MSH4: variants seen among roughly 807,000 people sequenced by gnomAD.
MSH4 encodes the protein mutS protein homolog 4.
A neutral mutation model predicts 113.7 loss-of-function variants in MSH4; 106 were observed. The observed-to-expected ratio is 0.93, with a 90% confidence interval of 0.80 to 1.10. The LOEUF (loss-of-function observed/expected upper bound fraction) is 1.10, where lower values mean the gene tolerates loss of function less well. MSH4 is among the 50% of genes least tolerant of loss of function. The probability of loss-of-function intolerance (pLI) is 0.00; values close to 1 mark genes in which losing one functional copy is unlikely to be tolerated. For missense variants in MSH4, 1,061 were observed against 1,093.7 expected, an observed-to-expected ratio of 0.97 and a Z score of 0.42; for synonymous variants, 368 against 380.2, an observed-to-expected ratio of 0.97 and a Z score of 0.37.
At chr1:75,828,478 T>C (rs1343903662) in intron 7 of MSH4, among the ~76,000 whole-genome samples, 1 of 152,196 alleles carries the variant, frequency 6.6e-6, no homozygotes, top group Non-Finnish European at 1.5e-5. Context: ...TATGCTGTTA[T>C]AAAAAGAATG....
At chr1:75,797,279 T>C in intron 1 of MSH4, 50 bp downstream of exon 1, 1 of 1,560,546 alleles carries the variant, frequency 6.4e-7, no homozygotes. Flanking sequence ...AGGCCGGCAG[T>C]TCATGGAGGC....
chr1:75,869,268 C>T (rs1651657767), intron 9 of MSH4, among the ~76,000 whole-genome samples: 1 of 151,998 alleles, frequency 6.6e-6, no homozygotes, highest in Non-Finnish European at 1.5e-5. Context: ...GAGAGGGTAT[C>T]CAGGGGGAAG....
intron 8 of MSH4, among the ~76,000 whole-genome samples, chr1:75,860,615 G>A (rs1312834301): frequency 6.6e-6 from 1 of 152,176 alleles, no homozygotes; most frequent in African/African-American, 2.4e-5. Flanking sequence ...GGCTTGTAGG[G>A]TTTCTGCCGA....
At chr1:75,803,006 T>C (rs1209185646) in intron 1 of MSH4, among the ~76,000 whole-genome samples, 6 of 152,158 alleles carry the variant, frequency 3.9e-5, no homozygotes, top group African/African-American at 1.4e-4. Flanking sequence ...TATTAAATCA[T>C]GAATGGATTA....
chr1:75,907,684 C>CTCTATATATATATATATA (rs1307238647), intron 19 of MSH4, among the ~76,000 whole-genome samples: 2 of 46,572 alleles, frequency 4.3e-5, no homozygotes, highest in Admixed American at 3.4e-4. Context: ...CTCTCTCTCT[C>CTCTATATATATATATATA]TATACATATA....
At chr1:75,854,260 A>T (rs1327033143) in intron 8 of MSH4, among the ~76,000 whole-genome samples, 1 of 151,766 alleles carries the variant, frequency 6.6e-6, no homozygotes, top group African/African-American at 2.4e-5. Flanking sequence ...TATATTTGAT[A>T]TATTCAGGAG....
rs4035039 is a variant in MSH4 at position 75,896,346 on chromosome 1, AAC to A, written c.2356-1514_2356-1513del. On this transcript the variant is annotated intron_variant, in intron 17 of 19. Coordinates refer to ENST00000263187, the MANE Select transcript of MSH4 (RefSeq NM_002440.4). Reference sequence around the variant, plus strand: ...ATAATAAATCTCTTTACACACATACAACACACACACACACACACACACACACA... The same window carrying A: ...ATAATAAATCTCTTTACACACATACAACACACACACACACACACACACACA... Among the ~76,000 whole-genome samples, 1,003 of 137,280 alleles carry A rather than the reference AAC, an allele frequency of 7.3e-3. 4 individuals are homozygous for A. Among genetic ancestry groups the A allele is most frequent in the South Asian group, 0.021 (90 of 4,190 alleles). 90.1% of individuals were successfully genotyped at this position (137,280 alleles called of 152,430 possible). A position where few individuals can be genotyped will look rare whatever the true frequency, so the allele number is the denominator to read the frequency against.
intron 19 of MSH4, among the ~76,000 whole-genome samples, chr1:75,903,961 CTT>C (rs1652564948): frequency 6.6e-6 from 1 of 152,100 alleles, no homozygotes; most frequent in Non-Finnish European, 1.5e-5. Flanking sequence ...AGAGGAAAGA[CTT>C]TCCATTTTTA....
At chr1:75,860,116 G>C (rs967360339) in intron 8 of MSH4, among the ~76,000 whole-genome samples, 3 of 151,664 alleles carry the variant, frequency 2.0e-5, no homozygotes, top group African/African-American at 7.3e-5. Context: ...CATTTGCTTA[G>C]TAGATCTTCC....
intron 9 of MSH4, among the ~76,000 whole-genome samples, chr1:75,874,703 G>A (rs929785195): frequency 2.0e-5 from 3 of 152,134 alleles, no homozygotes; most frequent in Non-Finnish European, 2.9e-5. Context: ...TACTAAAGAC[G>A]TGGTTGTGCA....
At chr1:75,830,771 C>A (rs1381439863) in intron 7 of MSH4, among the ~76,000 whole-genome samples, 1 of 152,178 alleles carries the variant, frequency 6.6e-6, no homozygotes, top group Non-Finnish European at 1.5e-5. Context: ...GCCTGCCTTA[C>A]AAGAGCTCCT....
chr1:75,866,360 T>C (rs1229763041), intron 8 of MSH4, among the ~76,000 whole-genome samples: 1 of 151,958 alleles, frequency 6.6e-6, no homozygotes, highest in African/African-American at 2.4e-5. Context: ...GGCAGAGTTT[T>C]GCCATGTTGC....
chr1:75,890,624 C>A, intron 16 of MSH4, 72 bp from the exon 17 acceptor site: 1 of 735,966 alleles, frequency 1.4e-6, no homozygotes, highest in Non-Finnish European at 2.1e-6. Context: ...GACTGGGTTT[C>A]TCCTCATTTT....
chr1:75,858,274 T>C (rs187899852), intron 8 of MSH4, among the ~76,000 whole-genome samples: 148 of 152,352 alleles, frequency 9.7e-4, no homozygotes, highest in African/African-American at 3.4e-3. Context: ...TCTTGCCTGA[T>C]TGCCCTGGCC....
At chr1:75,823,452 AT>A (rs920296091) in intron 7 of MSH4, among the ~76,000 whole-genome samples, 62 of 150,774 alleles carry the variant, frequency 4.1e-4, no homozygotes, top group South Asian at 8.4e-4. Flanking sequence ...CATATTGCTA[AT>A]TTTTTTTTTC....
chr1:75,846,741 G>T (rs575142954), intron 7 of MSH4, among the ~76,000 whole-genome samples: 1 of 151,978 alleles, frequency 6.6e-6, no homozygotes, highest in Non-Finnish European at 1.5e-5. Context: ...CACTAGAATT[G>T]CCCTTAATGT....
rs750478276 is a variant in MSH4, at chr1:75,878,164, T to C, written c.1386T>C (p.Leu462=). 1 of 1,597,706 alleles carries C rather than the reference T, an allele frequency of 6.3e-7. No homozygotes were observed. The highest frequency in any genetic ancestry group is 1.8e-5 in the Admixed American group (1 of 55,762). The change falls in exon 11 of 20, where the codon CTT becomes CTC. Residue 462 remains leucine, a synonymous_variant. Transcript: ENST00000263187. ...TTAATATTAGGTTTGGAATCATACT[T>C]GAAAAGATTAAAACAGTAATTAATG... The part of the protein sequence containing the change: ...SLEDKRFGII[L]EKIKTVINDD...
chr1:75,841,701 A>G (rs1650962858), intron 7 of MSH4, among the ~76,000 whole-genome samples: 1 of 152,138 alleles, frequency 6.6e-6, no homozygotes, highest in African/African-American at 2.4e-5. Flanking sequence ...ATCAAATCCT[A>G]TTTTAGAAAC....
chr1:75,906,094 G>A (rs889312091), intron 19 of MSH4, among the ~76,000 whole-genome samples: 3 of 151,642 alleles, frequency 2.0e-5, no homozygotes, highest in Admixed American at 6.6e-5. Context: ...AGGTTCAAGC[G>A]ATTCTTCTGC....
Sources: allele counts gnomAD v4.1 joint callset (sites outside exome capture counted in the v4.1 genomes callset), GRCh38; gene constraint gnomAD v4.1.1; transcripts MANE v1.5; gene names NCBI Gene and HGNC (gene_info 2026-07-23, HGNC 2026-07-21).